Variants in NFILZ observed in about 807,000 individuals in gnomAD.
NFILZ encodes the protein NFIL3 like protein.
At chr19:8,637,336 A>C (rs1170087250) in intron 3 of NFILZ, among the ~76,000 whole-genome samples, 1 of 151,900 alleles carries the variant, frequency 6.6e-6, no homozygotes, top group Non-Finnish European at 1.5e-5. Context: ...TAGAAAAAAA[A>C]CCAAAACCAA....
At chr19:8,674,646 G>A (rs12611036) in intron 4 of NFILZ, among the ~76,000 whole-genome samples, 46 bp downstream of exon 4, 61,689 of 151,566 alleles carry the variant, frequency 0.41, 14,172 homozygotes, top group East Asian at 0.72. Context: ...TTCTGAGGGC[G>A]CGTCATCTTT....
rs923082114 is a variant in NFILZ, at chr19:8,678,711, C to G, written c.*1076C>G. Among the ~76,000 whole-genome samples the G allele has an allele frequency of 2.0e-5, 3 of 152,188 alleles. No homozygotes were observed. The highest frequency in any genetic ancestry group is 2.0e-4 in the Admixed American group (3 of 15,274). Reference sequence around the variant, plus strand: ...CCCATTCATCTACTCATCCACCCATCCATCCTTTCATTCATTTATTCATTT... The same window carrying G: ...CCCATTCATCTACTCATCCACCCATGCATCCTTTCATTCATTTATTCATTT... On this transcript the variant is annotated 3_prime_UTR_variant, in exon 6 of 6. Coordinates refer to ENST00000691075, the MANE Select transcript of NFILZ (RefSeq NM_001378600.1).
chr19:8,656,427 C>CCTGAAGCCCACCTTCTCCT, intron 3 of NFILZ, among the ~76,000 whole-genome samples: 1 of 32,966 alleles, frequency 3.0e-5, no homozygotes, highest in South Asian at 1.8e-3. Flanking sequence ...CACCTCTTTC[C>CCTGAAGCCCACCTTCTCCT]GCAGCCCACC....
intron 3 of NFILZ, among the ~76,000 whole-genome samples, chr19:8,644,704 A>C (rs901573414): frequency 1.1e-4 from 16 of 150,976 alleles, no homozygotes; most frequent in Admixed American, 1.1e-3. Context: ...GGGCTCAAGC[A>C]ATCCTTCTGC....
intron 3 of NFILZ, among the ~76,000 whole-genome samples, chr19:8,636,706 C>G (rs1215928935): frequency 2.0e-5 from 3 of 151,852 alleles, no homozygotes; most frequent in Admixed American, 2.0e-4. Context: ...ATCAGCTTGC[C>G]TTGGCCTCCC....
At chr19:8,649,214 C>T (rs2146145855) in intron 3 of NFILZ, among the ~76,000 whole-genome samples, 1 of 151,746 alleles carries the variant, frequency 6.6e-6, no homozygotes, top group South Asian at 2.1e-4. Context: ...AATCCTCCCA[C>T]CTTGGCCTCC....
At chr19:8,660,754 C>T (rs2043026721) in intron 3 of NFILZ, among the ~76,000 whole-genome samples, 1 of 151,686 alleles carries the variant, frequency 6.6e-6, no homozygotes, top group African/African-American at 2.4e-5. Context: ...TCTCCTGCCT[C>T]AGCCTCCTGA....
chr19:8,639,599 T>C (rs1372303196), intron 3 of NFILZ, among the ~76,000 whole-genome samples: 2 of 132,734 alleles, frequency 1.5e-5, no homozygotes, highest in African/African-American at 2.8e-5. Flanking sequence ...TTAAGAAAAT[T>C]AAAAAAAAAA....
chr19:8,662,001 A>G (rs1347120133), intron 3 of NFILZ, among the ~76,000 whole-genome samples: 2 of 152,040 alleles, frequency 1.3e-5, no homozygotes, highest in Non-Finnish European at 2.9e-5. Flanking sequence ...GGAATTGGAG[A>G]GCAGCCTGGG....
At chr19:8,643,899 T>C (rs1223113670) in intron 3 of NFILZ, among the ~76,000 whole-genome samples, 1 of 152,100 alleles carries the variant, frequency 6.6e-6, no homozygotes, top group Non-Finnish European at 1.5e-5. Context: ...TGATCAGCTA[T>C]TGATTTTGTT....
In NFILZ at chr19:8,656,303, CCGCAGCG is replaced by C. The variant is rs1600147306; in HGVS notation, c.-163-18246_-163-18240del. 4.4e-3 allele frequency among the ~76,000 whole-genome samples: 655 copies of C among 148,322 alleles called. 68 individuals carry two copies. Among genetic ancestry groups the C allele is most frequent in the African/African-American group, 0.015 (603 of 40,312 alleles). ...CCTTCTCCCCACAGCCCACCTCCTC[CCGCAGCG>C]CACCTCCTCCCTGAAGCCCCCTTCT... is the stretch of plus-strand genomic sequence containing the variant. On this transcript the variant is annotated intron_variant, in intron 3 of 5. Transcript: ENST00000691075.
intron 3 of NFILZ, among the ~76,000 whole-genome samples, chr19:8,646,991 G>C (rs2042941656): frequency 6.6e-6 from 1 of 152,136 alleles, no homozygotes; most frequent in South Asian, 2.1e-4. Context: ...CGGATACCTT[G>C]ATCGCTCTGT....
intron 3 of NFILZ, among the ~76,000 whole-genome samples, chr19:8,663,314 G>T (rs890499540): frequency 4.0e-5 from 6 of 151,788 alleles, no homozygotes; most frequent in African/African-American, 1.5e-4. Context: ...GCTCAGATTT[G>T]GGGGTGAGAG....
chr19:8,664,434 G>A (rs1442851018), intron 3 of NFILZ, among the ~76,000 whole-genome samples: 2 of 150,158 alleles, frequency 1.3e-5, no homozygotes, highest in Non-Finnish European at 3.0e-5. Flanking sequence ...GGGCACGGGA[G>A]ATACCAACGG....
rs116223766 is a variant in NFILZ at position 8,641,622 on chromosome 19, G to A, written c.-164+5876G>A. Among the ~76,000 whole-genome samples the A allele has an allele frequency of 5.5e-3, 838 of 152,194 alleles. 6 individuals carry two copies. Among genetic ancestry groups the A allele is most frequent in the African/African-American group, 0.018 (746 of 41,540 alleles). ...CAAAAGAGCACAAAGACTTGCTCAG[G>A]GTTATGAAGACACTTCATGACAGCC... On this transcript the variant is annotated intron_variant, in intron 3 of 5. Coordinates refer to ENST00000691075, the MANE Select transcript of NFILZ (RefSeq NM_001378600.1).
At chr19:8,661,760 C>T (rs576224392) in intron 3 of NFILZ, among the ~76,000 whole-genome samples, 9 of 152,106 alleles carry the variant, frequency 5.9e-5, no homozygotes, top group Admixed American at 1.3e-4. Flanking sequence ...GGCATGGTGG[C>T]GTGCGTCTGT....
chr19:8,663,740 G>GTGTGTGTGTGTA (rs1600151896), intron 3 of NFILZ, among the ~76,000 whole-genome samples: 1 of 131,646 alleles, frequency 7.6e-6, no homozygotes, highest in Non-Finnish European at 1.6e-5. Flanking sequence ...GTGTGTGTGT[G>GTGTGTGTGTGTA]TGTGTGTGTG....
chr19:8,645,470 C>T (rs1650685381), intron 3 of NFILZ, among the ~76,000 whole-genome samples: 1 of 152,036 alleles, frequency 6.6e-6, no homozygotes. Context: ...CATGTTGTCC[C>T]CAGCCTCAGC....
At chr19:8,663,328 A>G (rs556114533) in intron 3 of NFILZ, among the ~76,000 whole-genome samples, 1 of 151,398 alleles carries the variant, frequency 6.6e-6, no homozygotes, top group Admixed American at 6.6e-5. Flanking sequence ...GTGAGAGAAA[A>G]AGAGGAGCAG....
Sources: allele counts gnomAD v4.1 joint callset (sites outside exome capture counted in the v4.1 genomes callset), GRCh38; gene constraint gnomAD v4.1.1; transcripts MANE v1.5; gene names NCBI Gene and HGNC (gene_info 2026-07-23, HGNC 2026-07-21).